The following TYW1 variants were observed in gnomAD, a reference collection of about 807,000 sequenced individuals.
The protein encoded by TYW1 is tRNA-yW synthesizing protein 1 homolog, also known as S-adenosyl-L-methionine-dependent tRNA 4-demethylwyosine synthase TYW1.
Under a neutral mutation model 96.2 loss-of-function variants are expected in TYW1, and 46 were observed. The ratio of observed to expected loss-of-function variants is 0.48; its 90% CI spans 0.38 to 0.61. TYW1 has a LOEUF of 0.61. Ranked by LOEUF, TYW1 falls within the 20% of genes least tolerant of loss-of-function variation. TYW1 has a pLI of 0.00. For missense variants in TYW1, 684 were observed against 909.6 expected (o/e 0.75, Z 3.19); for synonymous variants, 274 against 323.0 (o/e 0.85, Z 1.63).
intron 13 of TYW1, among the ~76,000 whole-genome samples, chr7:67,127,388 G>A (rs998180610): frequency 6.6e-6 from 1 of 151,910 alleles, no homozygotes; most frequent in African/African-American, 2.4e-5. Context: ...TTGAACTCCT[G>A]ACCTCAAGTG....
intron 13 of TYW1, among the ~76,000 whole-genome samples, chr7:67,141,130 G>C (rs1456060852): frequency 2.0e-5 from 3 of 152,044 alleles, no homozygotes; most frequent in Admixed American, 6.5e-5. Context: ...TTATTTTTCT[G>C]TCTCTCTGAC....
At chr7:67,127,228 G>T (rs140346544) in intron 13 of TYW1, among the ~76,000 whole-genome samples, 2 of 149,196 alleles carry the variant, frequency 1.3e-5, no homozygotes, top group Non-Finnish European at 3.0e-5. Flanking sequence ...GCCTGATCTC[G>T]GCTCACTGCA....
chr7:67,220,514 T>C (rs1393441606), intron 15 of TYW1, among the ~76,000 whole-genome samples: 9 of 152,104 alleles, frequency 5.9e-5, no homozygotes, highest in Non-Finnish European at 1.3e-4. Context: ...CATTTATTGA[T>C]TTTTAACTTC....
At chr7:67,188,455 T>G (rs1256038549) in intron 14 of TYW1, among the ~76,000 whole-genome samples, 1 of 152,224 alleles carries the variant, frequency 6.6e-6, no homozygotes, top group East Asian at 1.9e-4. Context: ...GAATCTGTTA[T>G]GAAAACCATA....
intron 14 of TYW1, among the ~76,000 whole-genome samples, chr7:67,184,627 AT>A (rs200319184): frequency 1.1e-5 from 1 of 94,904 alleles, no homozygotes. Flanking sequence ...ATTTTATTTT[AT>A]TTTATTTTAT....
intron 10 of TYW1, among the ~76,000 whole-genome samples, chr7:67,080,669 G>T (rs993371357): frequency 6.6e-6 from 1 of 152,166 alleles, no homozygotes; most frequent in Non-Finnish European, 1.5e-5. Flanking sequence ...AAAGTGATGG[G>T]ATTACAGGCG....
intron 13 of TYW1, among the ~76,000 whole-genome samples, chr7:67,176,660 AG>A (rs67709734): frequency 0.25 from 37,569 of 152,104 alleles, 4,779 homozygotes; most frequent in South Asian, 0.3. Context: ...AGAATCATAA[AG>A]GGTTGTATAT....
At position 67,180,386 on chromosome 7, in the gene TYW1, T is replaced by TTATA. The variant is rs372906172; in HGVS notation, c.1699-2724_1699-2721dup. Reference sequence around the variant, plus strand: ...ACCGTATCCTTGGAAAGCTGTTGGTTTATATATATATATATATATTTATAT... The same window carrying TTATA: ...ACCGTATCCTTGGAAAGCTGTTGGTTTATATATATATATATATATATATTTATAT... On this transcript the variant is annotated intron_variant, in intron 13 of 15. Coordinates refer to ENST00000359626, the MANE Select transcript of TYW1 (RefSeq NM_018264.4). Among the ~76,000 whole-genome samples, 25 of 111,598 alleles carry TTATA rather than the reference T, an allele frequency of 2.2e-4. 3 individuals carry two copies. Among genetic ancestry groups the TTATA allele is most frequent in the Non-Finnish European group, 3.2e-4 (18 of 56,142 alleles). 73.2% of individuals were successfully genotyped at this position (111,598 alleles called of 152,430 possible). A position where few individuals can be genotyped will look rare whatever the true frequency, so the allele number is the denominator to read the frequency against.
chr7:67,096,247 G>A (rs1368153507), intron 11 of TYW1, among the ~76,000 whole-genome samples: 3 of 151,984 alleles, frequency 2.0e-5, no homozygotes, highest in South Asian at 2.1e-4. Flanking sequence ...AAAATTAGCC[G>A]GGCATGGTGG....
intron 15 of TYW1, among the ~76,000 whole-genome samples, chr7:67,206,662 A>C (rs1348520121): frequency 7.0e-5 from 10 of 143,766 alleles, no homozygotes; most frequent in Non-Finnish European, 1.5e-5. Flanking sequence ...TAAATAAATA[A>C]ATAAAATGAA....
intron 13 of TYW1, among the ~76,000 whole-genome samples, chr7:67,159,989 G>A (rs1799110328): frequency 1.3e-5 from 2 of 151,802 alleles, no homozygotes; most frequent in South Asian, 2.1e-4. Context: ...TTTTTTAGTA[G>A]AGATGGGGTA....
intron 7 of TYW1, among the ~76,000 whole-genome samples, chr7:67,034,438 T>C (rs1485953137): frequency 1.3e-5 from 2 of 152,162 alleles, no homozygotes; most frequent in East Asian, 3.9e-4. Flanking sequence ...GACATGTGTT[T>C]TAAAATTTCA....
intron 10 of TYW1, among the ~76,000 whole-genome samples, chr7:67,069,369 A>G (rs1209827561): frequency 1.3e-5 from 2 of 152,336 alleles, no homozygotes; most frequent in African/African-American, 2.4e-5. Context: ...CTGTATGCCC[A>G]TTAACATAGA....
chr7:67,195,123 T>A, intron 14 of TYW1, 47 bp from the exon 15 acceptor site: 1 of 1,577,036 alleles, frequency 6.3e-7, no homozygotes, highest in East Asian at 2.3e-5. Context: ...TTCTATGACA[T>A]GCAGGTAGGT....
chr7:67,028,265 T>C (rs1411534188), intron 7 of TYW1, among the ~76,000 whole-genome samples: 4 of 146,964 alleles, frequency 2.7e-5, no homozygotes, highest in African/African-American at 1.0e-4. Flanking sequence ...AAGGCAGACC[T>C]GTCCAGGTGC....
intron 15 of TYW1, among the ~76,000 whole-genome samples, chr7:67,205,135 C>T: frequency 6.6e-6 from 1 of 151,992 alleles, no homozygotes; most frequent in Non-Finnish European, 1.5e-5. Flanking sequence ...CTGTCTTAGC[C>T]AGCCTCCTTT....
At chr7:67,152,926 C>G (rs1798849887) in intron 13 of TYW1, among the ~76,000 whole-genome samples, 1 of 152,100 alleles carries the variant, frequency 6.6e-6, no homozygotes, top group Non-Finnish European at 1.5e-5. Context: ...TTGCTGGCAC[C>G]TTGGAATCTA....
At chr7:67,192,599 A>G (rs1800256037) in intron 14 of TYW1, among the ~76,000 whole-genome samples, 2 of 152,144 alleles carry the variant, frequency 1.3e-5, no homozygotes, top group African/African-American at 4.8e-5. Context: ...TTTTTTATGC[A>G]CTTGGTAAGG....
rs139973082 is a variant in TYW1, at chr7:67,028,416, G to A, written c.984+3394G>A. On this transcript the variant is annotated intron_variant, in intron 7 of 15. Coordinates refer to ENST00000359626, the MANE Select transcript of TYW1 (RefSeq NM_018264.4). The stretch of plus-strand genomic sequence containing the variant: ...TGCAAAATTAGCTGGGTGTGGTGGC[G>A]CATGCCTGTAATTCCAGCTGACCAA... 1.1e-3 allele frequency among the ~76,000 whole-genome samples: 175 copies of A among 152,220 alleles called. 4 individuals are homozygous for A. In the East Asian group the frequency reaches 0.032, roughly 28 times the overall value.
Sources: gnomAD v4.1 joint callset for allele counts (sites outside exome capture counted in the v4.1 genomes callset) on GRCh38, gnomAD v4.1.1 for gene constraint, MANE v1.5 for transcripts, NCBI Gene and HGNC (gene_info 2026-07-23, HGNC 2026-07-21) for gene names.